Variants in OXNAD1 observed in about 807,000 individuals in gnomAD.
OXNAD1 encodes oxidoreductase NAD binding domain containing 1.
In OXNAD1, 34 loss-of-function variants were observed where a neutral mutation model predicts 32.9. The ratio of observed to expected loss-of-function variants is 1.03; its 90% CI spans 0.79 to 1.38. The LOEUF is 1.38. OXNAD1 is among the 40% of genes most tolerant of loss of function. The pLI is 0.00. For missense variants in OXNAD1, 407 were observed against 379.4 expected, an observed-to-expected ratio of 1.07 and a Z score of -0.60; for synonymous variants, 134 against 135.2, an observed-to-expected ratio of 0.99 and a Z score of 0.06.
At chr3:16,339,604 C>A (rs490059), downstream of OXNAD1, 106,222 of 152,086 alleles carry the variant, frequency 0.7, 37,245 homozygotes, top group Admixed American at 0.76. Flanking sequence ...TGATGAAAAA[C>A]CCAAAGTCCA....
chr3:16,294,378 AT>A (rs527286824), intron 5 of OXNAD1, among the ~76,000 whole-genome samples: 11 of 147,878 alleles, frequency 7.4e-5, no homozygotes, highest in African/African-American at 7.4e-5. Flanking sequence ...AATATTTTGT[AT>A]TTTTTTTTTA....
rs35510968 is a variant in OXNAD1, at chr3:16,327,761, CAAAA to C, written c.*31-9343_*31-9340del. Among the ~76,000 whole-genome samples, 2 of 145,672 alleles carry C rather than the reference CAAAA, an allele frequency of 1.4e-5. No individual in the cohort carries two copies. The highest frequency in any genetic ancestry group is 2.0e-4 in the East Asian group (1 of 4,898). ...GGGTGACAGAGCGGGATTCCCATCT[CAAAA>C]AAAAAAACAAAACGAAAAAAACTTC... is the stretch of plus-strand genomic sequence containing the variant. On this transcript the variant is annotated intron_variant, in intron 9 of 9. Transcript: ENST00000435829. This position sits in a 1 kb window ranked among gnomAD's most constrained non-coding sequence, Gnocchi z 4.2.
chr3:16,337,327 CA>C (rs2070950320), downstream of OXNAD1: 2 of 152,206 alleles, frequency 1.3e-5, no homozygotes, highest in South Asian at 4.1e-4. The surrounding 1 kb of genome is among the most constrained non-coding windows in gnomAD (Gnocchi z 5.0). Flanking sequence ...GATTTTAACT[CA>C]CTAAGCTTTG....
Position 16,321,144 on chromosome 3 carries a change from C to T in OXNAD1, c.*31-15968C>T, listed in dbSNP as rs192871654. Among the ~76,000 whole-genome samples, 185 of 151,854 alleles carry T rather than the reference C, an allele frequency of 1.2e-3. No individual in the cohort carries two copies. Among genetic ancestry groups the T allele is most frequent in the Non-Finnish European group, 2.0e-3 (133 of 67,934 alleles). ...AATGCCATTCCTCTAGATAGGGTGG[C>T]GGTTGGCCAGGTGGGCGAGGTATGG... On this transcript the variant is annotated intron_variant, in intron 9 of 9. Coordinates refer to the OXNAD1 transcript ENST00000435829. This position sits in a 1 kb window ranked among gnomAD's most constrained non-coding sequence, Gnocchi z 4.8.
At chr3:16,294,820 C>A in intron 5 of OXNAD1, 36 bp from the exon 6 acceptor site, 1 of 1,566,194 alleles carries the variant, frequency 6.4e-7, no homozygotes, top group South Asian at 1.2e-5. Context: ...TTTAAAATTG[C>A]TTCAACAATA....
chr3:16,343,156 A>G (rs116123108), intron 9 of OXNAD1, among the ~76,000 whole-genome samples: 2,958 of 152,268 alleles, frequency 0.019, 56 homozygotes, highest in East Asian at 0.069. Context: ...TGAATTTTTA[A>G]TAAGTCCTCA....
In OXNAD1 at chr3:16,297,294, C is replaced by T. The variant is rs1218962409; in HGVS notation, c.432+2297C>T. On this transcript the variant is annotated intron_variant, in intron 6 of 8. Coordinates refer to ENST00000285083, the MANE Select transcript of OXNAD1 (RefSeq NM_138381.5). This position sits in a 1 kb window ranked among gnomAD's most constrained non-coding sequence, Gnocchi z 4.3. ...AATTAAAACCATATGTGGTGGGATG[C>T]CACTACGATCTAGTCTAATGTCTAA... Among the ~76,000 whole-genome samples the T allele has an allele frequency of 6.6e-6, 1 of 152,078 alleles. No individual in the cohort carries two copies. Among genetic ancestry groups the T allele is most frequent in the Non-Finnish European group, 1.5e-5 (1 of 68,012 alleles).
At chr3:16,278,164 T>C (rs1274363343) in intron 4 of OXNAD1, among the ~76,000 whole-genome samples, 2 of 152,258 alleles carry the variant, frequency 1.3e-5, no homozygotes, top group African/African-American at 4.8e-5. Context: ...CTGGGCCAGA[T>C]CCTGGGGTTA....
At chr3:16,306,968 A>G (rs564139709), downstream of OXNAD1, among the ~76,000 whole-genome samples, 57 of 152,258 alleles carry the variant, frequency 3.7e-4, 1 homozygote, top group African/African-American at 1.2e-3. Flanking sequence ...ATCATTGCTG[A>G]TAGCTATTTT....
chr3:16,330,785 C>G (rs977813469), intron 9 of OXNAD1, among the ~76,000 whole-genome samples: 2 of 152,242 alleles, frequency 1.3e-5, no homozygotes, highest in African/African-American at 4.8e-5. Context: ...CACAACCTTT[C>G]TTTACCCTCC....
intron 6 of OXNAD1, among the ~76,000 whole-genome samples, chr3:16,296,370 A>G (rs530620761): frequency 6.6e-6 from 1 of 152,296 alleles, no homozygotes; most frequent in East Asian, 1.9e-4. Context: ...AGATTGGAAA[A>G]CTCAACATAG....
rs199818810 is a variant in OXNAD1 at position 16,299,545 on chromosome 3, GAC to G, written c.433-2079_433-2078del. On this transcript the variant is annotated intron_variant, in intron 6 of 8. Coordinates refer to ENST00000285083, the MANE Select transcript of OXNAD1 (RefSeq NM_138381.5). This position sits in a 1 kb window ranked among gnomAD's most constrained non-coding sequence, Gnocchi z 4.4. Reference sequence around the variant, plus strand: ...CATTTAACAGTTCTTTACCAAAAAAGACATGTTTTTGTGAATTCAAATAATTT... The same window carrying G: ...CATTTAACAGTTCTTTACCAAAAAAGATGTTTTTGTGAATTCAAATAATTT... Among the ~76,000 whole-genome samples the G allele has an allele frequency of 9.8e-4, 122 of 124,708 alleles. No homozygotes were observed. The East Asian group carries it at 0.028, about 29-fold the overall frequency. 81.8% of individuals were successfully genotyped at this position (124,708 alleles called of 152,430 possible).
chr3:16,269,421 A>G (rs2064774095), intron 2 of OXNAD1, 146 bp downstream of exon 2: 2 of 770,730 alleles, frequency 2.6e-6, no homozygotes, highest in Non-Finnish European at 4.1e-6. Context: ...AATAGCAAGT[A>G]GCATGCTTAT....
chr3:16,274,207 C>G (rs1161343690), intron 4 of OXNAD1, among the ~76,000 whole-genome samples: 1 of 147,586 alleles, frequency 6.8e-6, no homozygotes, highest in Non-Finnish European at 1.5e-5. Context: ...ACTATGATTT[C>G]TAAAATATAC....
At chr3:16,296,739 T>C (rs1313013390) in intron 6 of OXNAD1, among the ~76,000 whole-genome samples, 1 of 152,120 alleles carries the variant, frequency 6.6e-6, no homozygotes, top group Non-Finnish European at 1.5e-5. Context: ...GGATAAACTT[T>C]TCAACAAAAG....
rs994427738 is a variant in OXNAD1, at chr3:16,284,787, T to G, written c.184-1555T>G. Among the ~76,000 whole-genome samples the G allele has an allele frequency of 2.6e-5, 4 of 152,252 alleles. No individual in the cohort carries two copies. The highest frequency in any genetic ancestry group is 9.6e-5 in the African/African-American group (4 of 41,468). On this transcript the variant is annotated intron_variant, in intron 4 of 8. Coordinates refer to ENST00000285083, the MANE Select transcript of OXNAD1 (RefSeq NM_138381.5). The surrounding 1 kb of genome is among the most constrained non-coding windows in gnomAD (Gnocchi z 4.1). ...GGTAACTTGCCCAGAGTCACACAGC[T>G]GGTAAGCGGTAGAGCCAGGACTAAA...
chr3:16,325,523 A>G (rs1340307306), intron 9 of OXNAD1, among the ~76,000 whole-genome samples: 2 of 152,194 alleles, frequency 1.3e-5, no homozygotes, highest in African/African-American at 4.8e-5. Flanking sequence ...CAGAGAAGCT[A>G]TGTCACTTGA....
Position 16,320,561 on chromosome 3 carries a change from T to A in OXNAD1, c.*31-16551T>A, listed in dbSNP as rs541179260. On this transcript the variant is annotated intron_variant, in intron 9 of 9. Coordinates refer to the OXNAD1 transcript ENST00000435829. This position sits in a 1 kb window ranked among gnomAD's most constrained non-coding sequence, Gnocchi z 4.5. ...CTGCCTGGGAAGGATAAAATAATGA[T>A]CACAAATAACTAAAAGCCCAAAGGA... 1.6e-4 allele frequency among the ~76,000 whole-genome samples: 25 copies of A among 152,300 alleles called. No individual in the cohort carries two copies. Among genetic ancestry groups the A allele is most frequent in the African/African-American group, 5.8e-4 (24 of 41,542 alleles).
chr3:16,330,268 G>A (rs913743690), intron 9 of OXNAD1, among the ~76,000 whole-genome samples: 39 of 152,176 alleles, frequency 2.6e-4, no homozygotes, highest in African/African-American at 8.7e-4. Context: ...CTCCCACTCC[G>A]ACTATTTGGA....
Sources: allele counts gnomAD v4.1 joint callset (sites outside exome capture counted in the v4.1 genomes callset), GRCh38; gene constraint gnomAD v4.1.1; non-coding constraint Gnocchi (gnomAD v3.1); transcripts MANE v1.5; gene names NCBI Gene and HGNC (gene_info 2026-07-23, HGNC 2026-07-21).